PDLIM5: variants seen among roughly 807,000 people sequenced by gnomAD.
PDLIM5 encodes the protein PDZ and LIM domain protein 5.
A neutral mutation model predicts 64.2 loss-of-function variants in PDLIM5; 34 were observed. The ratio of observed to expected loss-of-function variants is 0.53; its 90% CI spans 0.40 to 0.71. PDLIM5 has a LOEUF of 0.71. Among genes scored for constraint, PDLIM5 ranks in the 30% least tolerant of loss-of-function variants. The pLI, the probability that PDLIM5 is intolerant of heterozygous loss-of-function variation, is 0.00. For synonymous variants in PDLIM5, 253 were observed against 269.1 expected, an observed-to-expected ratio of 0.94 and a Z score of 0.59; for missense variants, 683 against 733.6, an observed-to-expected ratio of 0.93 and a Z score of 0.80.
intron 3 of PDLIM5, among the ~76,000 whole-genome samples, chr4:94,551,424 G>A (rs1282814847): frequency 6.6e-6 from 1 of 152,106 alleles, no homozygotes; most frequent in African/African-American, 2.4e-5. Flanking sequence ...GTAAATGAAA[G>A]GGTATCCCTT....
rs565729600 is a variant in PDLIM5 at position 94,646,797 on chromosome 4, C to T, written c.1283+6347C>T. 3.3e-5 allele frequency among the ~76,000 whole-genome samples: 5 copies of T among 152,270 alleles called. No individual in the cohort carries two copies. The South Asian group carries it at 1.0e-3, about 32-fold the overall frequency. On this transcript the variant is annotated intron_variant, in intron 9 of 12. Coordinates refer to ENST00000317968, the MANE Select transcript of PDLIM5 (RefSeq NM_006457.5). ...CACCATGGTATATATTTCTAGTCTACCCCGTGCTCACACCCGAATGATGGG... is the reference window on the plus strand; with the variant it reads ...CACCATGGTATATATTTCTAGTCTATCCCGTGCTCACACCCGAATGATGGG...
At chr4:94,505,785 G>C (rs1461810661) in intron 2 of PDLIM5, among the ~76,000 whole-genome samples, 1 of 152,210 alleles carries the variant, frequency 6.6e-6, no homozygotes, top group African/African-American at 2.4e-5. Context: ...GCGCTTCTAT[G>C]CCCTTTCTGG....
At chr4:94,484,377 G>A (rs1029129748) in intron 2 of PDLIM5, among the ~76,000 whole-genome samples, 28 of 152,074 alleles carry the variant, frequency 1.8e-4, no homozygotes, top group Admixed American at 1.8e-3. Context: ...TGTGAGGAAG[G>A]CATTAAATTA....
chr4:94,485,562 C>T (rs1057388833), intron 2 of PDLIM5, among the ~76,000 whole-genome samples: 1 of 151,948 alleles, frequency 6.6e-6, no homozygotes, highest in Non-Finnish European at 1.5e-5. Flanking sequence ...TGGCTGGGTG[C>T]GGTGGCTTAT....
rs553368901 is a variant in PDLIM5, at chr4:94,523,447, T to G, written c.97-277T>G. 4.6e-5 allele frequency among the ~76,000 whole-genome samples: 7 copies of G among 152,340 alleles called. No individual in the cohort carries two copies. The East Asian group carries it at 9.6e-4, about 21-fold the overall frequency. On this transcript the variant is annotated intron_variant, in intron 2 of 12. Transcript: ENST00000317968. ...TGATTCATAAAAATCACACAACTAC[T>G]GTTGCACAATAAAGAAATGGAGAAA...
chr4:94,630,977 A>T (rs982318727), intron 8 of PDLIM5, among the ~76,000 whole-genome samples: 2 of 152,088 alleles, frequency 1.3e-5, no homozygotes, highest in African/African-American at 4.8e-5. Context: ...ATGTCATCAC[A>T]GCCCACTGCA....
chr4:94,456,308 C>T (rs1206328986), intron 2 of PDLIM5: 2 of 532,074 alleles, frequency 3.8e-6, no homozygotes, highest in East Asian at 6.8e-5. Context: ...AAGCGATTCT[C>T]CTGCCTCAGC....
chr4:94,653,510 A>G (rs1390769810), intron 9 of PDLIM5, among the ~76,000 whole-genome samples: 1 of 152,136 alleles, frequency 6.6e-6, no homozygotes, highest in African/African-American at 2.4e-5. Context: ...AACCAAGCCC[A>G]TCTTATCAGT....
At position 94,665,687 on chromosome 4, in the gene PDLIM5, G is replaced by A. The variant is rs879158311; in HGVS notation, c.*1620G>A. 5.2e-5 allele frequency: 57 copies of A among 1,088,994 alleles called. No homozygotes were observed. The highest frequency in any genetic ancestry group is 2.8e-4 in the South Asian group (7 of 24,796). 67.5% of individuals were successfully genotyped at this position (1,088,994 alleles called of 1,614,324 possible). A position where few individuals can be genotyped will look rare whatever the true frequency, so the allele number is the denominator to read the frequency against. On this transcript the variant is annotated 3_prime_UTR_variant, in exon 13 of 13. Coordinates refer to ENST00000317968, the MANE Select transcript of PDLIM5 (RefSeq NM_006457.5). ...CTTTGCAGAATGATCTTTTTGTTTC[G>A]TTTTGTTTCTTCTTCTGCATTTAAA...
intron 3 of PDLIM5, among the ~76,000 whole-genome samples, chr4:94,558,140 C>T (rs1452787952): frequency 6.6e-6 from 1 of 152,098 alleles, no homozygotes; most frequent in Non-Finnish European, 1.5e-5. Context: ...TTGTCAAAAG[C>T]CTTTTCTGCA....
intron 3 of PDLIM5, among the ~76,000 whole-genome samples, chr4:94,532,615 A>G (rs952610728): frequency 1.1e-4 from 16 of 152,186 alleles, no homozygotes; most frequent in Non-Finnish European, 1.6e-4. Flanking sequence ...CAGTTTGCCA[A>G]TATTCTGCAT....
intron 2 of PDLIM5, among the ~76,000 whole-genome samples, chr4:94,488,700 T>C (rs1434271649): frequency 6.6e-6 from 1 of 152,236 alleles, no homozygotes. Flanking sequence ...TTACACATTT[T>C]AAAGTGTTTC....
intron 3 of PDLIM5, among the ~76,000 whole-genome samples, chr4:94,543,322 A>G (rs1166040538): frequency 1.3e-5 from 2 of 152,128 alleles, no homozygotes; most frequent in Non-Finnish European, 2.9e-5. Context: ...AAATTTATGA[A>G]TAAAAGTTGT....
intron 4 of PDLIM5, among the ~76,000 whole-genome samples, chr4:94,575,376 C>T (rs1418819886): frequency 6.6e-6 from 1 of 152,058 alleles, no homozygotes; most frequent in Non-Finnish European, 1.5e-5. Flanking sequence ...TTTGAAACTA[C>T]TTTCATTTTT....
At chr4:94,464,475 A>G (rs1007298510) in intron 2 of PDLIM5, among the ~76,000 whole-genome samples, 14 of 152,220 alleles carry the variant, frequency 9.2e-5, no homozygotes, top group Non-Finnish European at 1.2e-4. Context: ...GCTGTATAAC[A>G]CTAGCCAGAG....
intron 3 of PDLIM5, among the ~76,000 whole-genome samples, chr4:94,563,085 T>C (rs773599736): frequency 6.6e-6 from 1 of 152,150 alleles, no homozygotes; most frequent in Non-Finnish European, 1.5e-5. Flanking sequence ...TGAGTTTCAG[T>C]TCTGTGATGG....
chr4:94,535,625 A>G (rs1323212371), intron 3 of PDLIM5, among the ~76,000 whole-genome samples: 2 of 152,164 alleles, frequency 1.3e-5, no homozygotes, highest in Non-Finnish European at 2.9e-5. Context: ...AGTAGAGGAA[A>G]TTAGTATGGC....
chr4:94,660,980 A>G (rs968717496), intron 11 of PDLIM5, among the ~76,000 whole-genome samples: 1 of 152,182 alleles, frequency 6.6e-6, no homozygotes, highest in Non-Finnish European at 1.5e-5. Context: ...ACTGCTCGGG[A>G]GACTGAGGCA....
chr4:94,573,857 T>C lies in PDLIM5; in HGVS notation c.291+464T>C, dbSNP rs1735019948. 6 of 162,410 alleles carry C rather than the reference T, an allele frequency of 3.7e-5. No individual in the cohort carries two copies. The South Asian group carries it at 9.9e-4, about 27-fold the overall frequency. 10.1% of individuals were successfully genotyped at this position (162,410 alleles called of 1,614,324 possible). ...CAAAATAATTTCAAACCATTATTCA[T>C]ATATATCTGTTTTATGCTTTTGGGG... On this transcript the variant is annotated intron_variant, in intron 4 of 12. Coordinates refer to ENST00000317968, the MANE Select transcript of PDLIM5 (RefSeq NM_006457.5).
Sources: allele counts gnomAD v4.1 joint callset (sites outside exome capture counted in the v4.1 genomes callset), GRCh38; gene constraint gnomAD v4.1.1; transcripts MANE v1.5; gene names NCBI Gene and HGNC (gene_info 2026-07-23, HGNC 2026-07-21).